RNF213: variants seen among roughly 807,000 people sequenced by gnomAD.
RNF213 encodes the protein ring finger protein 213, also known as E3 ubiquitin-protein ligase RNF213.
RNF213 carries 341 observed loss-of-function variants against 514.4 expected under a neutral mutation model. The ratio of observed to expected loss-of-function variants is 0.66; its 90% CI spans 0.61 to 0.73. The LOEUF (loss-of-function observed/expected upper bound fraction) is 0.73, where lower values mean the gene tolerates loss of function less well. RNF213 is among the 30% of genes least tolerant of loss of function. The pLI is 0.00. For missense variants in RNF213, 5,767 were observed against 6,615.6 expected, an observed-to-expected ratio of 0.87 and a Z score of 4.45; for synonymous variants, 2,655 against 2,658.2, an observed-to-expected ratio of 1.00 and a Z score of 0.04.
At position 80,263,785 on chromosome 17, in the gene RNF213, C is replaced by T. The variant is rs751975959; in HGVS notation, c.97+7C>T. The T allele has an allele frequency of 6.2e-7, 1 of 1,613,022 alleles. No homozygotes were observed. The highest frequency in any genetic ancestry group is 1.7e-5 in the Admixed American group (1 of 59,990). ...CCTGCAGCCCCCATAGCAGGTGAGG[C>T]CCAGGGGTGCTGGTGGAGGCTGGGG... On this transcript the variant is annotated splice_region_variant and intron_variant, in intron 2 of 67. Coordinates refer to ENST00000582970, the MANE Select transcript of RNF213 (RefSeq NM_001256071.3). This position sits in a 1 kb window ranked among gnomAD's most constrained non-coding sequence, Gnocchi z 4.9.
intron 11 of RNF213, among the ~76,000 whole-genome samples, chr17:80,305,257 C>G (rs2045317328): frequency 1.4e-5 from 2 of 147,754 alleles, no homozygotes; most frequent in Admixed American, 6.9e-5. Context: ...TGGCTCACCG[C>G]AACCTCTGCC....
At chr17:80,391,694 C>T (rs2080477538) in intron 67 of RNF213, among the ~76,000 whole-genome samples, 1 of 151,110 alleles carries the variant, frequency 6.6e-6, no homozygotes, top group Non-Finnish European at 1.5e-5. Context: ...ACAGAATTTT[C>T]CTATAAAGGG....
At chr17:80,289,140 C>T (rs2044586595) in intron 5 of RNF213, among the ~76,000 whole-genome samples, 1 of 152,124 alleles carries the variant, frequency 6.6e-6, no homozygotes, top group African/African-American at 2.4e-5. Flanking sequence ...CGCCAGTGCC[C>T]CCAGGAGGAG....
chr17:80,385,030 C>A lies in RNF213; in HGVS notation c.14323-9C>A, dbSNP rs764264107. ...AAAAATTGTTACTGGGTGGTCTTCC[C>A]TTCTCCAGGAAGCAGAGCTGAGGCT... On this transcript the variant is annotated splice_polypyrimidine_tract_variant and intron_variant, in intron 59 of 67. Transcript: ENST00000582970. 5 of 1,614,206 alleles carry A rather than the reference C, an allele frequency of 3.1e-6. No individual in the cohort carries two copies. In the South Asian group the frequency reaches 5.5e-5, roughly 18 times the overall value.
At chr17:80,382,448 A>G (rs1393877395) in intron 57 of RNF213, 5 of 159,692 alleles carry the variant, frequency 3.1e-5, no homozygotes, top group African/African-American at 1.2e-4. Context: ...ATCTGCTCCC[A>G]CCTCAGGTAC....
intron 29 of RNF213, among the ~76,000 whole-genome samples, chr17:80,349,407 C>T (rs2078424063): frequency 6.6e-6 from 1 of 152,146 alleles, no homozygotes; most frequent in Admixed American, 6.5e-5. Flanking sequence ...GCACCAACCA[C>T]GAACTCCATC....
intron 5 of RNF213, 22 bp from the exon 6 acceptor site, chr17:80,289,637 A>G: frequency 6.2e-7 from 1 of 1,612,892 alleles, no homozygotes. Context: ...CTTCAAGGTC[A>G]GGGTTTGGTT....
In RNF213 at chr17:80,393,802, G is replaced by A. The variant is rs1490035298; in HGVS notation, c.*304G>A. ...AACCAACATTGTTTACATTCCAGGAGACTTGTAGCTCAGCCACACACGCAG... is the reference window on the plus strand; with the variant it reads ...AACCAACATTGTTTACATTCCAGGAAACTTGTAGCTCAGCCACACACGCAG... On this transcript the variant is annotated 3_prime_UTR_variant, in exon 68 of 68. Coordinates refer to ENST00000582970, the MANE Select transcript of RNF213 (RefSeq NM_001256071.3). 2.7e-6 allele frequency: 1 copy of A among 375,130 alleles called. No homozygotes were observed. 23.2% of individuals were successfully genotyped at this position (375,130 alleles called of 1,614,324 possible).
Position 80,345,403 on chromosome 17 carries a change from C to A in RNF213, c.7068C>A (p.Leu2356=). Residue 2356 remains leucine, a synonymous_variant, in exon 29 of 68, where the codon CTC becomes CTA. Transcript: ENST00000582970. This position sits in a 1 kb window ranked among gnomAD's most constrained non-coding sequence, Gnocchi z 6.0. ...MTRDLYQGLL[L]QRVPFNVDFD... ...GGGACCTGTACCAGGGCCTGCTGCT[C>A]CAGAGGGTGCCCTTCAATGTCGACT... 6.2e-7 allele frequency: 1 copy of A among 1,614,022 alleles called. No homozygotes were observed. The highest frequency in any genetic ancestry group is 1.1e-5 in the South Asian group (1 of 91,064).
intron 18 of RNF213, among the ~76,000 whole-genome samples, chr17:80,325,444 G>A (rs557197533): frequency 3.0e-4 from 45 of 152,238 alleles, no homozygotes; most frequent in African/African-American, 1.1e-3. Context: ...GTGCTGGGTC[G>A]CAAGGGAAGT....
intron 56 of RNF213, 151 bp from the exon 57 acceptor site, chr17:80,381,396 T>G: frequency 1.2e-6 from 1 of 809,762 alleles, no homozygotes; most frequent in Non-Finnish European, 2.1e-6. Context: ...CTTGCTAGCC[T>G]TCCTTTCACC....
intron 13 of RNF213, among the ~76,000 whole-genome samples, chr17:80,307,841 T>C (rs1215294682): frequency 6.8e-6 from 1 of 147,652 alleles, no homozygotes; most frequent in East Asian, 2.0e-4. Context: ...TGAGCCACCA[T>C]GCCTGGCCGT....
At chr17:80,388,518 G>A (rs565491151) in intron 63 of RNF213, 94 bp from the exon 64 acceptor site, 28 of 851,208 alleles carry the variant, frequency 3.3e-5, no homozygotes, top group South Asian at 6.6e-5. Context: ...GCGGCACTAC[G>A]CTGCAGTTTT....
intron 17 of RNF213, among the ~76,000 whole-genome samples, chr17:80,323,020 C>G (rs1177183322): frequency 6.6e-6 from 1 of 152,166 alleles, no homozygotes; most frequent in East Asian, 1.9e-4. Context: ...TTAGCTCTTA[C>G]ATGTAGGCCT....
intron 2 of RNF213, among the ~76,000 whole-genome samples, chr17:80,272,387 G>T (rs576121603): frequency 1.3e-5 from 2 of 152,242 alleles, no homozygotes. Flanking sequence ...CTGATGTCTG[G>T]TGAGGGCTTT....
At chr17:80,371,775 C>G (rs2079526923) in intron 46 of RNF213, 99 bp from the exon 47 acceptor site, 1 of 708,940 alleles carries the variant, frequency 1.4e-6, no homozygotes, top group Non-Finnish European at 2.6e-6. Context: ...TATACACACA[C>G]ACACACAGGA....
chr17:80,332,169 C>T lies in RNF213; in HGVS notation c.3681C>T (p.Leu1227=), dbSNP rs373282428. 3.2e-4 allele frequency: 493 copies of T among 1,537,042 alleles called. No individual in the cohort carries two copies. Among genetic ancestry groups the T allele is most frequent in the Admixed American group, 7.7e-4 (39 of 50,980 alleles). The stretch of plus-strand genomic sequence containing the variant: ...AAATGGCTGGGAAGATAGACTTGCT[C>T]AGAGACAGCCACATCTTCCAGCTCT... ...VQEMAGKIDL[L]RDSHIFQLFW... is the part of the protein sequence containing the mutation. Residue 1227 remains leucine, a synonymous_variant, in exon 21 of 68, where the codon CTC becomes CTT. Transcript: ENST00000582970.
chr17:80,371,489 G>A (rs905578885), intron 46 of RNF213, among the ~76,000 whole-genome samples: 1 of 152,230 alleles, frequency 6.6e-6, no homozygotes, highest in African/African-American at 2.4e-5. Flanking sequence ...TATTTTAAAT[G>A]TTATTTAACA....
chr17:80,293,330 G>A (rs2044808129), intron 8 of RNF213, among the ~76,000 whole-genome samples: 1 of 151,946 alleles, frequency 6.6e-6, no homozygotes, highest in African/African-American at 2.4e-5. Flanking sequence ...CCAAAGTGCT[G>A]GGATTAAGAC....
Sources: allele counts gnomAD v4.1 joint callset (sites outside exome capture counted in the v4.1 genomes callset), GRCh38; gene constraint gnomAD v4.1.1; non-coding constraint Gnocchi (gnomAD v3.1); transcripts MANE v1.5; gene names NCBI Gene and HGNC (gene_info 2026-07-23, HGNC 2026-07-21).